FAM114A2: variants seen among roughly 807,000 people sequenced by gnomAD.
FAM114A2 encodes family with sequence similarity 114 member A2.
A neutral mutation model predicts 58.4 loss-of-function variants in FAM114A2; 53 were observed. The observed-to-expected ratio is 0.91, with a 90% CI of 0.73 to 1.14. FAM114A2 has a LOEUF of 1.14. FAM114A2 is among the 50% of genes most tolerant of loss of function. FAM114A2 has a pLI of 0.00. For missense variants in FAM114A2, 601 were observed against 581.1 expected, an observed-to-expected ratio of 1.03 and a Z score of -0.35; for synonymous variants, 228 against 211.4, an observed-to-expected ratio of 1.08 and a Z score of -0.68.
At chr5:154,017,521 A>G (rs1165840462) in intron 8 of FAM114A2, among the ~76,000 whole-genome samples, 2 of 152,230 alleles carry the variant, frequency 1.3e-5, no homozygotes, top group Non-Finnish European at 2.9e-5. Context: ...CCCCACTGAC[A>G]ACACTTGACA....
chr5:154,003,314 G>A lies in FAM114A2; in HGVS notation c.994-345C>T, dbSNP rs368927393. Among the ~76,000 whole-genome samples the A allele has an allele frequency of 1.4e-4, 22 of 151,918 alleles. No individual in the cohort carries two copies. In the East Asian group the frequency reaches 2.3e-3, roughly 16 times the overall value. On this transcript the variant is annotated intron_variant, in intron 9 of 13. Transcript: ENST00000351797. ...CTGCCTTAGCCTCCCGAGTAGCTGG[G>A]ATTACAGGCGCCCACCACCACGCCC...
intron 8 of FAM114A2, among the ~76,000 whole-genome samples, chr5:154,015,718 T>C (rs890040883): frequency 1.3e-5 from 2 of 151,986 alleles, no homozygotes; most frequent in Non-Finnish European, 2.9e-5. Flanking sequence ...CAAGGTTCTT[T>C]AACACCCCCA....
chr5:154,023,378 C>A (rs1443475202), intron 8 of FAM114A2, among the ~76,000 whole-genome samples: 1 of 152,084 alleles, frequency 6.6e-6, no homozygotes, highest in African/African-American at 2.4e-5. Flanking sequence ...AACTCAAATG[C>A]CCATCAATCA....
chr5:154,031,547 G>GAAGATAGA (rs546868909), intron 4 of FAM114A2, among the ~76,000 whole-genome samples: 52 of 152,228 alleles, frequency 3.4e-4, no homozygotes, highest in African/African-American at 1.2e-3. Context: ...AGGAACTTTA[G>GAAGATAGA]AAGATAGAAG....
chr5:154,014,895 G>A (rs1336266162), intron 8 of FAM114A2, among the ~76,000 whole-genome samples: 1 of 152,202 alleles, frequency 6.6e-6, no homozygotes, highest in Non-Finnish European at 1.5e-5. Context: ...TGGGAGGTGG[G>A]TAGTCTGGGG....
In FAM114A2 at chr5:154,029,546, G is replaced by C. The variant is rs528260106; in HGVS notation, c.438C>G (p.Ser146=). The C allele has an allele frequency of 2.5e-6, 4 of 1,610,666 alleles. No individual in the cohort carries two copies. In the South Asian group the frequency reaches 3.3e-5, roughly 13 times the overall value. ...ATACACCAAATGCCCCAGCCACTGG[G>C]GAGGAGTTTTCATTCTCTTTGGCAT... The part of the protein sequence containing the change: ...ETNAKENENS[S]PVAGAFGVFS... Residue 146 remains serine (S), a synonymous_variant, in exon 5 of 14, where the codon TCC becomes TCG. Coordinates refer to ENST00000351797, the MANE Select transcript of FAM114A2 (RefSeq NM_018691.4).
intron 7 of FAM114A2, 49 bp from the exon 8 acceptor site, chr5:154,026,571 A>G (rs1472293052): frequency 4.7e-6 from 6 of 1,285,646 alleles, no homozygotes; most frequent in Middle Eastern, 2.5e-4. Flanking sequence ...AAGAAAAGAA[A>G]AACATTCACA....
rs867520173 is a variant in FAM114A2 at position 154,026,336 on chromosome 5, G to A, written c.913+63C>T. On this transcript the variant is annotated intron_variant, in intron 8 of 13. Transcript: ENST00000351797. ...ATAAGAGTAAATAATTTATTTCAAG[G>A]GCAATGCACTGCATACAAACACACT... The A allele has an allele frequency of 7.3e-5, 91 of 1,240,792 alleles. No individual in the cohort carries two copies. The Middle Eastern group carries it at 3.5e-3, about 47-fold the overall frequency. 76.9% of individuals were successfully genotyped at this position (1,240,792 alleles called of 1,614,324 possible). A position where few individuals can be genotyped will look rare whatever the true frequency, so the allele number is the denominator to read the frequency against.
rs1770022667 is a variant in FAM114A2, at chr5:154,002,248, T to A, written c.1256+3A>T. The A allele has an allele frequency of 6.2e-7, 1 of 1,613,240 alleles. No homozygotes were observed. Among genetic ancestry groups the A allele is most frequent in the East Asian group, 2.2e-5 (1 of 44,838 alleles). On this transcript the variant is annotated splice_donor_region_variant and intron_variant, in intron 11 of 13. Transcript: ENST00000351797. ...CATTTAGAGGAATTCTCATTACACTTACTGGGAAAGAGTTTGGCTCCTTTC... is the reference window on the plus strand; with the variant it reads ...CATTTAGAGGAATTCTCATTACACTAACTGGGAAAGAGTTTGGCTCCTTTC...
intron 8 of FAM114A2, among the ~76,000 whole-genome samples, chr5:154,014,313 T>G (rs1581795311): frequency 6.6e-6 from 1 of 152,188 alleles, no homozygotes; most frequent in East Asian, 1.9e-4. Context: ...GGAAGAGATT[T>G]CAGGTCCCAC....
intron 11 of FAM114A2, among the ~76,000 whole-genome samples, chr5:153,999,168 T>TA (rs1327624958): frequency 1.3e-5 from 2 of 151,940 alleles, no homozygotes; most frequent in African/African-American, 4.8e-5. Flanking sequence ...AAAATCTCAT[T>TA]AAAAAATGGG....
chr5:154,009,704 T>C (rs1256429725), intron 9 of FAM114A2, among the ~76,000 whole-genome samples: 2 of 152,178 alleles, frequency 1.3e-5, no homozygotes, highest in South Asian at 2.1e-4. Context: ...CCATCACTTA[T>C]GGAGTATTTT....
intron 8 of FAM114A2, among the ~76,000 whole-genome samples, chr5:154,018,415 T>C (rs1771188335): frequency 6.6e-6 from 1 of 152,052 alleles, no homozygotes. Flanking sequence ...GAAATGGTAA[T>C]TTTAAAAATT....
chr5:153,995,598 A>G (rs1769503745), intron 12 of FAM114A2, among the ~76,000 whole-genome samples: 1 of 152,200 alleles, frequency 6.6e-6, no homozygotes, highest in Non-Finnish European at 1.5e-5. Context: ...TGTAATGTTC[A>G]TGACTAGGGC....
intron 4 of FAM114A2, among the ~76,000 whole-genome samples, chr5:154,031,807 G>A (rs556267688): frequency 6.6e-6 from 1 of 152,258 alleles, no homozygotes; most frequent in East Asian, 1.9e-4. Flanking sequence ...TCTCTTGTAA[G>A]ACTTTAATTC....
chr5:154,019,324 C>T (rs1471213327), intron 8 of FAM114A2, among the ~76,000 whole-genome samples: 2 of 152,132 alleles, frequency 1.3e-5, no homozygotes, highest in Admixed American at 6.5e-5. Flanking sequence ...TATACCCAAC[C>T]AAGAAGGTGA....
chr5:154,010,749 C>T (rs1413190406), intron 9 of FAM114A2, among the ~76,000 whole-genome samples: 1 of 152,178 alleles, frequency 6.6e-6, no homozygotes, highest in East Asian at 1.9e-4. Context: ...CCAGAATCAG[C>T]ACCAAAAATA....
At position 154,027,349 on chromosome 5, in the gene FAM114A2, A is replaced by T; in HGVS notation, c.631-15T>A. 1 of 1,605,486 alleles carries T rather than the reference A, an allele frequency of 6.2e-7. No individual in the cohort carries two copies. The highest frequency in any genetic ancestry group is 1.1e-5 in the South Asian group (1 of 89,506). On this transcript the variant is annotated splice_polypyrimidine_tract_variant and intron_variant, in intron 6 of 13. Transcript: ENST00000351797. ...TCTCGTAAAACCTAAAAAGAGATGGAGGCATTACACTGTAGCAAACAATGA... is the reference window on the plus strand; with the variant it reads ...TCTCGTAAAACCTAAAAAGAGATGGTGGCATTACACTGTAGCAAACAATGA...
rs924269607 is a variant in FAM114A2 at position 153,994,760 on chromosome 5, G to A, written c.1383+159C>T. 5.2e-6 allele frequency: 3 copies of A among 577,570 alleles called. No homozygotes were observed. The African/African-American group carries it at 5.6e-5, about 11-fold the overall frequency. 35.8% of individuals were successfully genotyped at this position (577,570 alleles called of 1,614,324 possible). Reference sequence around the variant, plus strand: ...GTATGCTTTCTAATTAATAAGGAAGGAATACACATCAAATATACACTATTT... The same window carrying A: ...GTATGCTTTCTAATTAATAAGGAAGAAATACACATCAAATATACACTATTT... On this transcript the variant is annotated intron_variant, in intron 13 of 13. Transcript: ENST00000351797.
Sources: allele counts gnomAD v4.1 joint callset (sites outside exome capture counted in the v4.1 genomes callset), GRCh38; gene constraint gnomAD v4.1.1; transcripts MANE v1.5; gene names NCBI Gene and HGNC (gene_info 2026-07-23, HGNC 2026-07-21).